NCAPD3: variants seen among roughly 807,000 people sequenced by gnomAD.
NCAPD3 encodes non-SMC condensin II complex subunit D3, also known as condensin-2 complex subunit D3.
NCAPD3 carries 105 observed loss-of-function variants against 182.9 expected under a neutral mutation model. The ratio of observed to expected loss-of-function variants is 0.57; its 90% CI spans 0.49 to 0.68. The LOEUF (loss-of-function observed/expected upper bound fraction) is 0.68, where lower values mean the gene tolerates loss of function less well. Among genes scored for constraint, NCAPD3 ranks in the 30% least tolerant of loss-of-function variants. The probability of loss-of-function intolerance (pLI) is 0.00; values close to 1 mark genes in which losing one functional copy is unlikely to be tolerated. For missense variants in NCAPD3, 1,944 were observed against 1,837.0 expected (o/e 1.06, Z -1.07); for synonymous variants, 815 against 679.9 (o/e 1.20, Z -3.09).
At chr11:134,190,054 CTTTTA>C (rs777348225) in intron 16 of NCAPD3, among the ~76,000 whole-genome samples, 10 of 152,316 alleles carry the variant, frequency 6.6e-5, no homozygotes, top group East Asian at 1.9e-4. Context: ...TTAATTCACC[CTTTTA>C]TTTTATGATT....
chr11:134,225,057 T>C, upstream of NCAPD3: 1 of 1,485,904 alleles, frequency 6.7e-7, no homozygotes, highest in South Asian at 1.3e-5. Context: ...CTTCTTTACC[T>C]AGGGCAGCCC....
chr11:134,193,042 T>A, intron 15 of NCAPD3, 133 bp from the exon 16 acceptor site: 1 of 580,920 alleles, frequency 1.7e-6, no homozygotes, highest in Non-Finnish European at 3.0e-6. Flanking sequence ...AGAAAAAAAT[T>A]CAAAAAATAT....
In NCAPD3 at chr11:134,210,328, T is replaced by A. The variant is rs1937787154; in HGVS notation, c.509A>T (p.Gln170Leu). ...KRKKEQPKSS[Q>L]ANPGRHRKRG... ...TTTTCTATGCCTCCCGGGGTTAGCCTGAGAGCTCTTAGGCTGTTCTTTCTT... is the reference window on the plus strand; with the variant it reads ...TTTTCTATGCCTCCCGGGGTTAGCCAGAGAGCTCTTAGGCTGTTCTTTCTT... The change falls in exon 4 of 35, where the codon CAG becomes CTG. Residue 170 changes from glutamine to leucine, a missense_variant. Transcript: ENST00000534548. 6.2e-7 allele frequency: 1 copy of A among 1,614,154 alleles called. No homozygotes were observed. Among genetic ancestry groups the A allele is most frequent in the Non-Finnish European group, 8.5e-7 (1 of 1,179,980 alleles).
chr11:134,206,476 T>G (rs2136015164), intron 8 of NCAPD3, 123 bp downstream of exon 8: 1 of 1,325,314 alleles, frequency 7.5e-7, no homozygotes, highest in East Asian at 2.4e-5. Flanking sequence ...GTGCTTGGTT[T>G]TCACCCCCAA....
chr11:134,223,459 T>G, intron 1 of NCAPD3: 1 of 702,570 alleles, frequency 1.4e-6, no homozygotes, highest in Non-Finnish European at 2.6e-6. Flanking sequence ...TGATGATGTC[T>G]GCATGTGAGA....
At chr11:134,176,747 T>C (rs554753190) in intron 23 of NCAPD3, among the ~76,000 whole-genome samples, 14 of 152,192 alleles carry the variant, frequency 9.2e-5, no homozygotes, top group Non-Finnish European at 1.6e-4. Flanking sequence ...TCTCAGTGTG[T>C]ATAAAAATAT....
At chr11:134,186,907 A>G (rs1275594053) in intron 16 of NCAPD3, among the ~76,000 whole-genome samples, 1 of 152,262 alleles carries the variant, frequency 6.6e-6, no homozygotes, top group Non-Finnish European at 1.5e-5. Flanking sequence ...TGTCTGATTT[A>G]TGTCCAAATA....
At chr11:134,187,020 A>G (rs1322257709) in intron 16 of NCAPD3, among the ~76,000 whole-genome samples, 1 of 152,202 alleles carries the variant, frequency 6.6e-6, no homozygotes, top group Non-Finnish European at 1.5e-5. Context: ...GAATTGGGAA[A>G]AAATCCTCTG....
At chr11:134,225,143 G>C, upstream of NCAPD3, 1 of 1,610,592 alleles carries the variant, frequency 6.2e-7, no homozygotes, top group Non-Finnish European at 8.5e-7. Context: ...TCGGCTTCGG[G>C]CAGAGCGTGG....
rs1453712672 is a variant in NCAPD3, at chr11:134,152,053, TA to T, written c.*890del. ...ACTTTTGCTTTTGTAATACTGGGAT[TA>T]AAAAACAAACCAACTGCATTTCTTT... On this transcript the variant is annotated 3_prime_UTR_variant, in exon 35 of 35. Coordinates refer to ENST00000534548, the MANE Select transcript of NCAPD3 (RefSeq NM_015261.3). 10 of 152,362 alleles carry T rather than the reference TA, an allele frequency of 6.6e-5. No homozygotes were observed. The highest frequency in any genetic ancestry group is 2.4e-4 in the African/African-American group (10 of 41,592). The allele number at this position is 152,362 out of a possible 1,614,324, so 9.4% of individuals were successfully genotyped here. A position where few individuals can be genotyped will look rare whatever the true frequency, so the allele number is the denominator to read the frequency against.
intron 3 of NCAPD3, 118 bp from the exon 4 acceptor site, chr11:134,210,572 T>A: frequency 1.1e-6 from 1 of 893,358 alleles, no homozygotes; most frequent in Non-Finnish European, 1.7e-6. Flanking sequence ...TGAATAACAA[T>A]GAACCTGTAG....
chr11:134,164,028 T>G (rs568293687), intron 27 of NCAPD3, among the ~76,000 whole-genome samples: 1 of 152,028 alleles, frequency 6.6e-6, no homozygotes, highest in South Asian at 2.1e-4. Flanking sequence ...GAGAGATAGA[T>G]TGGTAAGAGA....
At chr11:134,205,161 G>A (rs1044716413) in intron 8 of NCAPD3, among the ~76,000 whole-genome samples, 190 bp from the exon 9 acceptor site, 2 of 152,206 alleles carry the variant, frequency 1.3e-5, no homozygotes, top group African/African-American at 4.8e-5. Flanking sequence ...TTCCCGTGCA[G>A]TTTTGAGAGC....
At chr11:134,201,662 C>A (rs1205759880) in intron 13 of NCAPD3, among the ~76,000 whole-genome samples, 1 of 152,178 alleles carries the variant, frequency 6.6e-6, no homozygotes, top group Non-Finnish European at 1.5e-5. Flanking sequence ...CTCTTTGCGT[C>A]CCCGAACTTT....
Position 134,209,402 on chromosome 11 carries a change from C to T in NCAPD3, c.643G>A (p.Ala215Thr). 6.2e-7 allele frequency: 1 copy of T among 1,613,878 alleles called. No homozygotes were observed. Among genetic ancestry groups the T allele is most frequent in the East Asian group, 2.2e-5 (1 of 44,872 alleles). The change falls in exon 5 of 35, where the codon GCC becomes ACC. Residue 215 changes from alanine to threonine, a missense_variant. Around this residue, in one of 3 missense-constraint regions of NCAPD3, gnomAD observed 1,803 missense variants for 1,674.6 expected, o/e 1.08. Coordinates refer to ENST00000534548, the MANE Select transcript of NCAPD3 (RefSeq NM_015261.3). ...SARDLSQIRN[A>T]IFHLLKNFLR... ...AAATTCTTTAAAAGGTGAAAGATGG[C>T]ATTTCGAATTTGAGAAAGGTCCCGG...
rs923626843 is a variant in NCAPD3 at position 134,176,345 on chromosome 11, A to T, written c.3063T>A (p.Phe1021Leu). Residue 1021 changes from phenylalanine to leucine, a missense_variant, in exon 24 of 35, where the codon TTT becomes TTA. Physicochemically the swap from Phe to Leu is conservative, Grantham distance 22. Transcript: ENST00000534548. ...GGTGTGAATCGATCAGAGTGCTGAC[A>T]AATCGGAAGAACAGGGAGCCCTTCC... ...VKWKGSLFFR[F>L]VSTLIDSHPD... The T allele has an allele frequency of 7.4e-6, 12 of 1,614,038 alleles. No homozygotes were observed. Among genetic ancestry groups the T allele is most frequent in the Non-Finnish European group, 1.0e-5 (12 of 1,179,992 alleles).
chr11:134,184,574 C>T (rs1248947655), intron 19 of NCAPD3, 63 bp downstream of exon 19: 1 of 1,178,582 alleles, frequency 8.5e-7, no homozygotes, highest in African/African-American at 1.5e-5. Flanking sequence ...CACTTCAAAA[C>T]ACATACAGTA....
chr11:134,211,021 A>C (rs1028583526), intron 3 of NCAPD3, among the ~76,000 whole-genome samples: 3 of 152,218 alleles, frequency 2.0e-5, no homozygotes, highest in Non-Finnish European at 4.4e-5. Flanking sequence ...TAAAATTCTA[A>C]GACAGAGAGC....
At chr11:134,173,233 G>A (rs1455103048) in intron 24 of NCAPD3, 1 of 153,332 alleles carries the variant, frequency 6.5e-6, no homozygotes, top group East Asian at 1.9e-4. Flanking sequence ...TCAGTAGGGG[G>A]CTGCTGAGGA....
Sources: gnomAD v4.1 joint callset for allele counts (sites outside exome capture counted in the v4.1 genomes callset) on GRCh38, gnomAD v4.1.1 for gene constraint, gnomAD v4.1.1 regional missense constraint, MANE v1.5 for transcripts, NCBI Gene and HGNC (gene_info 2026-07-23, HGNC 2026-07-21) for gene names.